RERE: variants seen among roughly 807,000 people sequenced by gnomAD.
RERE encodes the protein arginine-glutamic acid dipeptide repeats.
In RERE, 40 loss-of-function variants were observed where a neutral mutation model predicts 146.1. That is an observed-to-expected ratio of 0.27 (90% CI 0.21 to 0.36). RERE has a LOEUF of 0.36. Ranked by LOEUF, RERE falls within the 10% of genes least tolerant of loss-of-function variation. The pLI, the probability that RERE is intolerant of heterozygous loss-of-function variation, is 1.00. For synonymous variants in RERE, 1,003 were observed against 866.0 expected (o/e 1.16, Z -2.78); for missense variants, 1,933 against 2,138.7 (o/e 0.90, Z 1.90).
At chr1:8,668,963 T>TGTGTGTGTGTGTGTG (rs1553130735) in intron 1 of RERE, among the ~76,000 whole-genome samples, 2 of 42,408 alleles carry the variant, frequency 4.7e-5, no homozygotes, top group African/African-American at 9.8e-5. Context: ...TGTGTGTGTG[T>TGTGTGTGTGTGTGTG]TGTGTTTTTA....
Position 8,617,772 on chromosome 1 carries a change from G to A in RERE, c.397-3086C>T, listed in dbSNP as rs1646871727. On this transcript the variant is annotated intron_variant, in intron 3 of 22. Coordinates refer to ENST00000400908, the MANE Select transcript of RERE (RefSeq NM_001042681.2). ...AGGCCCTCATTTATCTTTGCTGAAA[G>A]TCAGTCATATGGAAAACTCAAAACA... Among the ~76,000 whole-genome samples the A allele has an allele frequency of 2.0e-5, 3 of 152,186 alleles. 1 individual carries two copies. The South Asian group carries it at 6.2e-4, about 31-fold the overall frequency.
chr1:8,564,818 G>A (rs1337353220), intron 4 of RERE, among the ~76,000 whole-genome samples: 1 of 124,106 alleles, frequency 8.1e-6, no homozygotes, highest in Non-Finnish European at 1.7e-5. Flanking sequence ...GTATGTATGT[G>A]TGTGTATATG....
At chr1:8,650,187 C>A (rs551292837) in intron 2 of RERE, among the ~76,000 whole-genome samples, 1 of 152,086 alleles carries the variant, frequency 6.6e-6, no homozygotes, top group Admixed American at 6.6e-5. Flanking sequence ...GAGATTAAAC[C>A]GTAGTGATAA....
intron 12 of RERE, among the ~76,000 whole-genome samples, chr1:8,416,051 T>G (rs1643748709): frequency 6.6e-6 from 1 of 152,216 alleles, no homozygotes; most frequent in Non-Finnish European, 1.5e-5. Context: ...AAGAAAGCAA[T>G]GCCCGAAAAC....
intron 4 of RERE, among the ~76,000 whole-genome samples, chr1:8,583,423 A>C (rs1341261073): frequency 6.6e-6 from 1 of 152,230 alleles, no homozygotes; most frequent in African/African-American, 2.4e-5. Context: ...GGATACAGCT[A>C]AGATCAGGAG....
chr1:8,355,184 G>C lies in RERE; in HGVS notation c.4668-64C>G, dbSNP rs1474567026. 5 of 1,540,012 alleles carry C rather than the reference G, an allele frequency of 3.2e-6. No individual in the cohort carries two copies. The Admixed American group carries it at 5.1e-5, about 16-fold the overall frequency. Reference sequence around the variant, plus strand: ...CCTAGGCAGGCAGTCACGCAGGCTGGAGGCAACCCCAAAGACAACAGCCAG... The same window carrying C: ...CCTAGGCAGGCAGTCACGCAGGCTGCAGGCAACCCCAAAGACAACAGCCAG... On this transcript the variant is annotated intron_variant, in intron 22 of 22. Transcript: ENST00000400908.
At chr1:8,417,413 T>C (rs1486905988) in intron 12 of RERE, among the ~76,000 whole-genome samples, 1 of 152,214 alleles carries the variant, frequency 6.6e-6, no homozygotes, top group African/African-American at 2.4e-5. Context: ...GATTTTCATG[T>C]TATTTATTAA....
At chr1:8,500,858 C>T (rs1247776228) in intron 8 of RERE, among the ~76,000 whole-genome samples, 1 of 147,354 alleles carries the variant, frequency 6.8e-6, no homozygotes, top group Admixed American at 6.7e-5. Flanking sequence ...TCTGCTGGGC[C>T]GCAACCCTGT....
At chr1:8,654,335 C>T (rs1434583927) in intron 2 of RERE, among the ~76,000 whole-genome samples, 4 of 151,960 alleles carry the variant, frequency 2.6e-5, no homozygotes, top group African/African-American at 9.7e-5. Flanking sequence ...CGTGCCCAGC[C>T]CCACTGACAT....
chr1:8,525,509 G>T lies in RERE; in HGVS notation c.830+15705C>A, dbSNP rs189950929. On this transcript the variant is annotated intron_variant, in intron 7 of 22. Coordinates refer to ENST00000400908, the MANE Select transcript of RERE (RefSeq NM_001042681.2). Reference sequence around the variant, plus strand: ...ATACTACGAGCCGAAGAGGTAAGGGGAAGAGGACAGGGACAGAGGGACCCG... The same window carrying T: ...ATACTACGAGCCGAAGAGGTAAGGGTAAGAGGACAGGGACAGAGGGACCCG... Among the ~76,000 whole-genome samples the T allele has an allele frequency of 4.0e-3, 614 of 152,336 alleles. 2 individuals carry two copies. The highest frequency in any genetic ancestry group is 0.027 in the Middle Eastern group (8 of 294).
chr1:8,427,972 C>T (rs968523911), intron 11 of RERE, among the ~76,000 whole-genome samples: 5 of 152,190 alleles, frequency 3.3e-5, no homozygotes, highest in Non-Finnish European at 5.9e-5. Flanking sequence ...TCAACAGGCC[C>T]TATAAGCCTC....
At chr1:8,742,065 A>T (rs1230887331) in intron 1 of RERE, among the ~76,000 whole-genome samples, 1 of 152,228 alleles carries the variant, frequency 6.6e-6, no homozygotes, top group Non-Finnish European at 1.5e-5. Context: ...TTTCAAGGTG[A>T]ACAGTGCCAT....
At chr1:8,428,411 A>C (rs1390894212) in intron 11 of RERE, 1 of 152,152 alleles carries the variant, frequency 6.6e-6, no homozygotes, top group Non-Finnish European at 1.5e-5. Context: ...AATATAAATA[A>C]ATATTTATGG....
At chr1:8,540,410 G>T (rs1484055770) in intron 7 of RERE, among the ~76,000 whole-genome samples, 3 of 152,168 alleles carry the variant, frequency 2.0e-5, no homozygotes, top group Non-Finnish European at 4.4e-5. Flanking sequence ...ACTGCACCTG[G>T]CCGGGGATGT....
At chr1:8,543,242 G>A (rs759280838) in intron 6 of RERE, among the ~76,000 whole-genome samples, 2 of 152,156 alleles carry the variant, frequency 1.3e-5, no homozygotes. Flanking sequence ...ATAAGCTTCT[G>A]GGAAAGAAAA....
rs138835223 is a variant in RERE at position 8,588,342 on chromosome 1, C to G, written c.522+26219G>C. On this transcript the variant is annotated intron_variant, in intron 4 of 22. Coordinates refer to ENST00000400908, the MANE Select transcript of RERE (RefSeq NM_001042681.2). ...GCAGGCCTTCTCTTTTTCAGAAACA[C>G]GTCTGACTTTTTAAATTCATCAAAA... is the stretch of plus-strand genomic sequence containing the variant. 1.3e-4 allele frequency among the ~76,000 whole-genome samples: 20 copies of G among 152,262 alleles called. No individual in the cohort carries two copies. The East Asian group carries it at 2.5e-3, about 19-fold the overall frequency.
At chr1:8,653,878 C>T (rs56222132) in intron 2 of RERE, among the ~76,000 whole-genome samples, 1 of 152,066 alleles carries the variant, frequency 6.6e-6, no homozygotes, top group Non-Finnish European at 1.5e-5. Context: ...GTAACCTACA[C>T]ACATCATTTA....
chr1:8,692,559 G>A (rs1287967934), intron 1 of RERE, among the ~76,000 whole-genome samples: 1 of 151,980 alleles, frequency 6.6e-6, no homozygotes, highest in Admixed American at 6.5e-5. Context: ...ATAATGGCCA[G>A]GCTGGTCTCT....
At position 8,411,022 on chromosome 1, in the gene RERE, G is replaced by T. The variant is rs116680720; in HGVS notation, c.1284+11705C>A. On this transcript the variant is annotated intron_variant, in intron 12 of 22. Coordinates refer to ENST00000400908, the MANE Select transcript of RERE (RefSeq NM_001042681.2). Reference sequence around the variant, plus strand: ...TTTCCAGAAAAATGTTGCAACAAATGTAAGTATTTATAGACATGCCTGGTA... The same window carrying T: ...TTTCCAGAAAAATGTTGCAACAAATTTAAGTATTTATAGACATGCCTGGTA... 8.9e-3 allele frequency among the ~76,000 whole-genome samples: 1,348 copies of T among 152,290 alleles called. 18 individuals carry two copies. The highest frequency in any genetic ancestry group is 0.031 in the African/African-American group (1,281 of 41,558).
Sources: allele counts gnomAD v4.1 joint callset (sites outside exome capture counted in the v4.1 genomes callset), GRCh38; gene constraint gnomAD v4.1.1; transcripts MANE v1.5; gene names NCBI Gene and HGNC (gene_info 2026-07-23, HGNC 2026-07-21).